The following PALM2AKAP2 variants were observed in gnomAD, a reference collection of about 807,000 sequenced individuals.
PALM2AKAP2 encodes PALM2 and AKAP2 fusion, also known as PALM2-AKAP2 fusion protein.
In PALM2AKAP2, 37 loss-of-function variants were observed where a neutral mutation model predicts 71.5. The observed-to-expected ratio is 0.52, with a 90% CI of 0.40 to 0.68. The LOEUF (loss-of-function observed/expected upper bound fraction) is 0.68. Ranked by LOEUF, PALM2AKAP2 falls within the 30% of genes least tolerant of loss-of-function variation. The pLI is 0.00. For synonymous variants in PALM2AKAP2, 468 were observed against 478.8 expected (o/e 0.98, Z 0.29); for missense variants, 1,224 against 1,191.8 (o/e 1.03, Z -0.40).
At chr9:109,932,961 A>G (rs550809210) in intron 6 of PALM2AKAP2, among the ~76,000 whole-genome samples, 55 of 152,378 alleles carry the variant, frequency 3.6e-4, no homozygotes, top group African/African-American at 1.3e-3. Context: ...TGAATATTTC[A>G]TGAAGCAAAG....
chr9:109,749,186 C>CCGTTAGTCCTTCTAGAAGGAGTCCA (rs1459621756), intron 1 of PALM2AKAP2, among the ~76,000 whole-genome samples: 1 of 152,102 alleles, frequency 6.6e-6, no homozygotes, highest in Non-Finnish European at 1.5e-5. Flanking sequence ...CTTGGTCTGC[C>CCGTTAGTCCTTCTAGAAGGAGTCCA]CGTTAGTCCT....
At chr9:110,055,718 G>A (rs1463994417) in intron 1 of PALM2AKAP2, among the ~76,000 whole-genome samples, 1 of 152,200 alleles carries the variant, frequency 6.6e-6, no homozygotes, top group Non-Finnish European at 1.5e-5. Context: ...TGATGCTAGG[G>A]CAGTTTTTCC....
intron 6 of PALM2AKAP2, chr9:109,944,640 C>CA (rs1295100889): frequency 6.6e-6 from 1 of 151,778 alleles, no homozygotes; most frequent in Admixed American, 6.6e-5. Flanking sequence ...AATTTCATAA[C>CA]AAATATTAAG....
intron 6 of PALM2AKAP2, among the ~76,000 whole-genome samples, chr9:109,976,403 G>A (rs1832174204): frequency 6.6e-6 from 1 of 152,212 alleles, no homozygotes; most frequent in Non-Finnish European, 1.5e-5. Context: ...AAGAGGTAGA[G>A]TCAGGGTTCA....
intron 1 of PALM2AKAP2, among the ~76,000 whole-genome samples, chr9:110,067,996 A>G (rs1834119690): frequency 1.4e-5 from 2 of 142,334 alleles, no homozygotes; most frequent in South Asian, 2.1e-4. Flanking sequence ...TGATTGAAAT[A>G]CAATTTGTGT....
Position 109,944,990 on chromosome 9 carries a change from C to T in PALM2AKAP2, c.496+12962C>T, listed in dbSNP as rs1230565234. 2.0e-5 allele frequency: 3 copies of T among 152,074 alleles called. No homozygotes were observed. In the East Asian group the frequency reaches 5.8e-4, roughly 29 times the overall value. 9.4% of individuals were successfully genotyped at this position (152,074 alleles called of 1,614,324 possible). A position where few individuals can be genotyped will look rare whatever the true frequency, so the allele number is the denominator to read the frequency against. ...TTTTGAAAAAACATATGATATACTA[C>T]ATCCAGTCTAACTTCTGTGGAAAGT... On this transcript the variant is annotated intron_variant, in intron 6 of 9. Transcript: ENST00000302798.
At chr9:109,742,544 C>G (rs1339904726) in intron 1 of PALM2AKAP2, among the ~76,000 whole-genome samples, 3 of 152,116 alleles carry the variant, frequency 2.0e-5, no homozygotes, top group Non-Finnish European at 4.4e-5. Context: ...ATGTGATGTT[C>G]TCTTTGTCAA....
chr9:109,880,711 G>C (rs1488077139), intron 3 of PALM2AKAP2, 30 bp downstream of exon 3: 1 of 1,611,268 alleles, frequency 6.2e-7, no homozygotes, highest in East Asian at 2.2e-5. Context: ...GGGAACCCAT[G>C]CTACAGTTTT....
intron 1 of PALM2AKAP2, among the ~76,000 whole-genome samples, chr9:109,852,370 T>C (rs999091631): frequency 6.6e-6 from 1 of 152,230 alleles, no homozygotes; most frequent in Non-Finnish European, 1.5e-5. Context: ...GAACATGATT[T>C]CATTCTTTTT....
chr9:109,805,790 T>G (rs1827556174), intron 1 of PALM2AKAP2, among the ~76,000 whole-genome samples: 1 of 152,204 alleles, frequency 6.6e-6, no homozygotes, highest in African/African-American at 2.4e-5. Context: ...CCTAGGCATC[T>G]CCATGATTTT....
chr9:109,897,694 A>C (rs1196762643), intron 3 of PALM2AKAP2, among the ~76,000 whole-genome samples: 1 of 152,236 alleles, frequency 6.6e-6, no homozygotes, highest in Non-Finnish European at 1.5e-5. Context: ...TTTTTTCACC[A>C]GGCATTTATT....
At position 109,973,343 on chromosome 9, in the gene PALM2AKAP2, T is replaced by C. The variant is rs138259310; in HGVS notation, c.496+41315T>C. On this transcript the variant is annotated intron_variant, in intron 6 of 9. Transcript: ENST00000302798. ...CTGTTGCAACAGGCAACCCCAGTAA[T>C]GGTTTCTTTCTTGCTACTGGAGCTC... Among the ~76,000 whole-genome samples the C allele has an allele frequency of 5.4e-4, 83 of 152,308 alleles. 1 individual carries two copies. In the East Asian group the frequency reaches 0.013, roughly 24 times the overall value.
chr9:109,831,979 A>G (rs1162845663), intron 1 of PALM2AKAP2, among the ~76,000 whole-genome samples: 1 of 152,182 alleles, frequency 6.6e-6, no homozygotes, highest in African/African-American at 2.4e-5. Context: ...AAGCCAAACT[A>G]TCTAGAGTAT....
intron 1 of PALM2AKAP2, among the ~76,000 whole-genome samples, chr9:109,830,721 G>C (rs1828272978): frequency 6.6e-6 from 1 of 152,164 alleles, no homozygotes; most frequent in African/African-American, 2.4e-5. Flanking sequence ...ACTGATTTTA[G>C]TGTCTGCTTT....
chr9:110,067,686 A>G (rs925180067), intron 1 of PALM2AKAP2, among the ~76,000 whole-genome samples: 4 of 152,232 alleles, frequency 2.6e-5, no homozygotes, highest in African/African-American at 9.6e-5. Context: ...CAAGGTCTCA[A>G]CTTTCTTTCG....
At chr9:110,025,399 C>CT (rs34276135) in intron 7 of PALM2AKAP2, 124,084 of 659,558 alleles carry the variant, frequency 0.19, 3,065 homozygotes, top group Admixed American at 0.27. Flanking sequence ...GCCCGAAAGG[C>CT]TTTTTTTTTT....
intron 2 of PALM2AKAP2, among the ~76,000 whole-genome samples, chr9:110,140,390 C>T (rs1835997568): frequency 1.3e-5 from 2 of 152,190 alleles, no homozygotes; most frequent in African/African-American, 4.8e-5. Flanking sequence ...AATCGGTCGT[C>T]TCTCTGAAGA....
At chr9:109,866,372 T>C (rs1470086431) in intron 1 of PALM2AKAP2, among the ~76,000 whole-genome samples, 1 of 152,150 alleles carries the variant, frequency 6.6e-6, no homozygotes, top group Non-Finnish European at 1.5e-5. Flanking sequence ...ACGAAAATGC[T>C]CCAGTATAGT....
chr9:109,996,858 A>C (rs929061693), intron 6 of PALM2AKAP2, among the ~76,000 whole-genome samples: 10 of 152,206 alleles, frequency 6.6e-5, no homozygotes, highest in Non-Finnish European at 5.9e-5. Flanking sequence ...CTGCACATAA[A>C]TGTCTAAGAG....
Sources: allele counts gnomAD v4.1 joint callset (sites outside exome capture counted in the v4.1 genomes callset), GRCh38; gene constraint gnomAD v4.1.1; transcripts MANE v1.5; gene names NCBI Gene and HGNC (gene_info 2026-07-23, HGNC 2026-07-21).